The following ERI1 variants were observed in gnomAD, a reference collection of about 807,000 sequenced individuals.
ERI1 encodes the protein exoribonuclease 1, also known as 3'-5' exoribonuclease 1.
In ERI1, 39 loss-of-function variants were observed where a neutral mutation model predicts 39.7. That is an observed-to-expected ratio of 0.98 (90% confidence interval 0.76 to 1.28). The LOEUF is 1.28. Among genes scored for constraint, ERI1 ranks in the 50% most tolerant of loss-of-function variants. The pLI, the probability that ERI1 is intolerant of heterozygous loss-of-function variation, is 0.00. For synonymous variants in ERI1, 204 were observed against 149.6 expected (o/e 1.36, Z -2.65); for missense variants, 581 against 416.9 (o/e 1.39, Z -3.43).
At chr8:9,019,318 G>C (rs1004530186) in intron 5 of ERI1, among the ~76,000 whole-genome samples, 1 of 152,208 alleles carries the variant, frequency 6.6e-6, no homozygotes, top group Non-Finnish European at 1.5e-5. Context: ...AGGGTTTGGA[G>C]ATCCTCACAT....
At chr8:9,040,009 C>G (rs556642406) in intron 3 of ERI1, among the ~76,000 whole-genome samples, 1 of 152,080 alleles carries the variant, frequency 6.6e-6, no homozygotes, top group African/African-American at 2.4e-5. Flanking sequence ...TCACTAAACT[C>G]TTTTTGTTTT....
At chr8:9,038,508 C>G (rs1201418655) in intron 3 of ERI1, among the ~76,000 whole-genome samples, 2 of 152,214 alleles carry the variant, frequency 1.3e-5, no homozygotes, top group East Asian at 1.9e-4. Context: ...GCCTGTAATC[C>G]TAACACTTTG....
chr8:9,080,312 T>G (rs17155179), intron 3 of ERI1, among the ~76,000 whole-genome samples: 21,530 of 152,238 alleles, frequency 0.14, 1,707 homozygotes, highest in Middle Eastern at 0.2. Context: ...GTAGCCTGAC[T>G]AGATGTGCCC....
intron 3 of ERI1, among the ~76,000 whole-genome samples, chr8:9,013,300 C>T (rs1816868373): frequency 6.7e-6 from 1 of 149,014 alleles, no homozygotes; most frequent in Non-Finnish European, 1.5e-5. Context: ...CAGGCGTGAG[C>T]CACCATGCCC....
intron 3 of ERI1, among the ~76,000 whole-genome samples, chr8:9,055,789 C>T (rs1215416490): frequency 6.6e-6 from 1 of 152,180 alleles, no homozygotes; most frequent in Non-Finnish European, 1.5e-5. Context: ...CCTCTCCCTT[C>T]TCAGCTTCCC....
intron 3 of ERI1, among the ~76,000 whole-genome samples, chr8:9,064,887 A>C (rs142157024): frequency 6.6e-6 from 1 of 152,144 alleles, no homozygotes; most frequent in South Asian, 2.1e-4. Flanking sequence ...TGAGTCCGAG[A>C]AGAGAGTCAG....
intron 3 of ERI1, among the ~76,000 whole-genome samples, chr8:9,085,006 G>A (rs1182405457): frequency 6.6e-6 from 1 of 152,056 alleles, no homozygotes; most frequent in Non-Finnish European, 1.5e-5. Context: ...CCAACCAACA[G>A]CATCAACATC....
chr8:9,053,677 C>T (rs1245156062), intron 3 of ERI1, among the ~76,000 whole-genome samples: 2 of 152,202 alleles, frequency 1.3e-5, no homozygotes, highest in Non-Finnish European at 2.9e-5. Context: ...GGGGACCCCA[C>T]TGGCCCTGGA....
At chr8:9,046,222 G>A (rs1009348678) in intron 3 of ERI1, among the ~76,000 whole-genome samples, 2 of 152,298 alleles carry the variant, frequency 1.3e-5, no homozygotes, top group South Asian at 4.1e-4. Flanking sequence ...CTGAGAAGCG[G>A]TTCTGAAAGA....
chr8:9,047,904 G>A (rs994272306), intron 3 of ERI1, among the ~76,000 whole-genome samples: 10 of 152,362 alleles, frequency 6.6e-5, no homozygotes, highest in Admixed American at 4.6e-4. Flanking sequence ...CATGCCAGGT[G>A]TTCCAGATGC....
intron 1 of ERI1, among the ~76,000 whole-genome samples, chr8:9,004,620 T>C (rs1815771167): frequency 1.3e-5 from 2 of 151,092 alleles, no homozygotes; most frequent in Admixed American, 6.6e-5. Flanking sequence ...GCTGTGATCG[T>C]GCCACTGCAC....
intron 3 of ERI1, among the ~76,000 whole-genome samples, chr8:9,077,460 A>C (rs1171426003): frequency 6.6e-6 from 1 of 152,180 alleles, no homozygotes; most frequent in African/African-American, 2.4e-5. Flanking sequence ...AGCCGCACAA[A>C]CTGTGACTCA....
chr8:9,017,650 AAGAT>A (rs1170896600), intron 4 of ERI1, among the ~76,000 whole-genome samples: 1 of 152,154 alleles, frequency 6.6e-6, no homozygotes, highest in African/African-American at 2.4e-5. Context: ...TGAGTCATGA[AAGAT>A]AGGTAGGCAG....
In ERI1 at chr8:9,029,731, T is replaced by C. The variant is rs183917599; in HGVS notation, c.808-61T>C. ...TCAGTTTCTTATTTTTCATCTTAACTGTGGCTTATATTACAGTTTAGAACA... is the reference window on the plus strand; with the variant it reads ...TCAGTTTCTTATTTTTCATCTTAACCGTGGCTTATATTACAGTTTAGAACA... On this transcript the variant is annotated intron_variant, in intron 6 of 6. Coordinates refer to ENST00000250263, the MANE Select transcript of ERI1 (RefSeq NM_153332.4). The C allele has an allele frequency of 1.0e-5, 16 of 1,583,446 alleles. No individual in the cohort carries two copies. In the East Asian group the frequency reaches 3.4e-4, roughly 33 times the overall value.
At chr8:9,052,738 C>G (rs1486457993) in intron 3 of ERI1, among the ~76,000 whole-genome samples, 1 of 152,158 alleles carries the variant, frequency 6.6e-6, no homozygotes, top group Non-Finnish European at 1.5e-5. Flanking sequence ...ATCCCTGACT[C>G]CTGGCACTGA....
rs565617440 is a variant in ERI1, at chr8:9,070,866, C to T, written n.300-45482C>T. Reference sequence around the variant, plus strand: ...ATCTCCTTTTTCCTCAGCATTTTTGCAGCCCATGTGTGCAGGGCCGGGCAG... The same window carrying T: ...ATCTCCTTTTTCCTCAGCATTTTTGTAGCCCATGTGTGCAGGGCCGGGCAG... On this transcript the variant is annotated intron_variant and non_coding_transcript_variant, in intron 3 of 3. Transcript: ENST00000518663. Among the ~76,000 whole-genome samples, 5 of 152,290 alleles carry T rather than the reference C, an allele frequency of 3.3e-5. No individual in the cohort carries two copies. In the East Asian group the frequency reaches 9.6e-4, roughly 29 times the overall value.
chr8:9,062,593 T>A lies in ERI1; in HGVS notation n.299+42129T>A, dbSNP rs932610519. On this transcript the variant is annotated intron_variant and non_coding_transcript_variant, in intron 3 of 3. Transcript: ENST00000518663. ...AGAAGGTAATGTGGAGTGGGTAGCC[T>A]TCGTATTGATTAAGAAGGGGACGGA... 37 of 67,226 alleles carry A rather than the reference T, an allele frequency of 5.5e-4. 3 individuals are homozygous for A. The highest frequency in any genetic ancestry group is 5.2e-3 in the South Asian group (6 of 1,148). The allele number at this position is 67,226 out of a possible 1,614,324, so 4.2% of individuals were successfully genotyped here. A position where few individuals can be genotyped will look rare whatever the true frequency, so the allele number is the denominator to read the frequency against.
intron 5 of ERI1, among the ~76,000 whole-genome samples, chr8:9,019,833 C>G (rs1352265183): frequency 1.3e-5 from 2 of 152,086 alleles, no homozygotes; most frequent in African/African-American, 2.4e-5. Flanking sequence ...CTCTCCTTGC[C>G]TAAGAAAAAC....
At chr8:9,050,963 G>C (rs1042534533) in intron 3 of ERI1, among the ~76,000 whole-genome samples, 18 of 152,226 alleles carry the variant, frequency 1.2e-4, no homozygotes, top group African/African-American at 4.3e-4. Flanking sequence ...CTTTGTCTGG[G>C]CTGGTTCATC....
Sources: gnomAD v4.1 joint callset for allele counts (sites outside exome capture counted in the v4.1 genomes callset) on GRCh38, gnomAD v4.1.1 for gene constraint, MANE v1.5 for transcripts, NCBI Gene and HGNC (gene_info 2026-07-23, HGNC 2026-07-21) for gene names.